The following KIAA1328 variants were observed in gnomAD, a reference collection of about 807,000 sequenced individuals.
KIAA1328 encodes the protein KIAA1328.
KIAA1328 carries 52 observed loss-of-function variants against 68.1 expected under a neutral mutation model. That is an observed-to-expected ratio of 0.76 (90% CI 0.61 to 0.96). The LOEUF is 0.96. Ranked by LOEUF, KIAA1328 falls within the 40% of genes least tolerant of loss-of-function variation. KIAA1328 has a pLI of 0.00. For synonymous variants in KIAA1328, 232 were observed against 239.4 expected (o/e 0.97, Z 0.28); for missense variants, 641 against 677.6 (o/e 0.95, Z 0.60).
chr18:37,185,670 A>G (rs2059781433), intron 9 of KIAA1328, among the ~76,000 whole-genome samples: 1 of 152,064 alleles, frequency 6.6e-6, no homozygotes, highest in Non-Finnish European at 1.5e-5. Context: ...ATTTTTGTAT[A>G]CACTGTTGAT....
intron 7 of KIAA1328, among the ~76,000 whole-genome samples, chr18:37,153,856 T>C (rs1190289575): frequency 2.7e-5 from 4 of 146,212 alleles, no homozygotes; most frequent in Non-Finnish European, 6.0e-5. Flanking sequence ...TCTTTTTCTT[T>C]TAAAAAAAAA....
At chr18:36,891,348 G>A (rs764196302) in intron 5 of KIAA1328, among the ~76,000 whole-genome samples, 25 of 152,142 alleles carry the variant, frequency 1.6e-4, no homozygotes, top group Non-Finnish European at 2.9e-4. Flanking sequence ...GTGGCTTTTG[G>A]TTACATGGAC....
At chr18:36,855,501 TTTG>T (rs1313951941) in intron 4 of KIAA1328, among the ~76,000 whole-genome samples, 3 of 152,106 alleles carry the variant, frequency 2.0e-5, no homozygotes, top group East Asian at 1.9e-4. Flanking sequence ...AATTGGATTG[TTTG>T]TTGTTGTTGA....
At chr18:37,004,588 A>G (rs1035362480) in intron 6 of KIAA1328, among the ~76,000 whole-genome samples, 4 of 152,124 alleles carry the variant, frequency 2.6e-5, no homozygotes, top group Non-Finnish European at 5.9e-5. Context: ...AATGACCGTA[A>G]TCACAAAATA....
intron 5 of KIAA1328, among the ~76,000 whole-genome samples, chr18:36,899,769 G>A (rs1250274558): frequency 6.6e-6 from 1 of 151,936 alleles, no homozygotes; most frequent in Non-Finnish European, 1.5e-5. Context: ...CAGAAGTAGA[G>A]TAAGAGCAAA....
intron 4 of KIAA1328, among the ~76,000 whole-genome samples, chr18:36,865,203 G>A (rs966355266): frequency 6.6e-6 from 1 of 151,054 alleles, no homozygotes; most frequent in Non-Finnish European, 1.5e-5. Context: ...TACTTTTACT[G>A]TACCCTACCT....
At chr18:36,889,842 T>C (rs1269824158) in intron 5 of KIAA1328, among the ~76,000 whole-genome samples, 1 of 152,204 alleles carries the variant, frequency 6.6e-6, no homozygotes, top group Non-Finnish European at 1.5e-5. Context: ...TGATTTTCAT[T>C]AGATTATGCA....
chr18:36,926,516 C>G (rs1258094846), intron 5 of KIAA1328, among the ~76,000 whole-genome samples: 1 of 152,112 alleles, frequency 6.6e-6, no homozygotes, highest in Non-Finnish European at 1.5e-5. Context: ...ACTTTGATCA[C>G]TTGGTTTAAG....
At chr18:36,951,493 G>T (rs1356816543) in intron 5 of KIAA1328, among the ~76,000 whole-genome samples, 1 of 152,140 alleles carries the variant, frequency 6.6e-6, no homozygotes, top group African/African-American at 2.4e-5. Context: ...AACAAAACCT[G>T]TACACTCCCT....
At chr18:37,072,091 C>T (rs2056554395) in intron 7 of KIAA1328, among the ~76,000 whole-genome samples, 1 of 152,078 alleles carries the variant, frequency 6.6e-6, no homozygotes, top group Non-Finnish European at 1.5e-5. Flanking sequence ...TTATATTTAT[C>T]TGTGTTTCTA....
intron 7 of KIAA1328, among the ~76,000 whole-genome samples, chr18:37,074,362 C>CT (rs1235917377): frequency 6.6e-6 from 1 of 152,162 alleles, no homozygotes; most frequent in Admixed American, 6.6e-5. Flanking sequence ...AGTATAATGT[C>CT]TAAGATTTTT....
intron 6 of KIAA1328, among the ~76,000 whole-genome samples, chr18:37,016,414 A>G (rs927733498): frequency 6.6e-5 from 10 of 152,134 alleles, no homozygotes; most frequent in African/African-American, 2.4e-4. Context: ...TCTTCATCAG[A>G]GACATTGGCC....
At position 37,084,102 on chromosome 18, in the gene KIAA1328, A is replaced by G. The variant is rs1380965060; in HGVS notation, c.1232+16557A>G. On this transcript the variant is annotated intron_variant, in intron 7 of 9. Coordinates refer to ENST00000280020, the MANE Select transcript of KIAA1328 (RefSeq NM_020776.3). The stretch of plus-strand genomic sequence containing the variant: ...GTTATCAGGCTTCACAAGATTAGAA[A>G]TTTTTTAAATTAATTTTTACAGGTT... The G allele has an allele frequency of 9.3e-6, 13 of 1,398,448 alleles. 1 individual carries two copies. The Middle Eastern group carries it at 7.3e-4, about 79-fold the overall frequency. The allele number at this position is 1,398,448 out of a possible 1,614,324, so 86.6% of individuals were successfully genotyped here. A position where few individuals can be genotyped will look rare whatever the true frequency, so the allele number is the denominator to read the frequency against.
chr18:37,207,594 G>A (rs1441138407), intron 9 of KIAA1328, among the ~76,000 whole-genome samples: 1 of 152,156 alleles, frequency 6.6e-6, no homozygotes, highest in Non-Finnish European at 1.5e-5. Context: ...CTGCCAGGTG[G>A]CAGCAGAATG....
chr18:36,854,012 G>A lies in KIAA1328; in HGVS notation c.332+9710G>A, dbSNP rs189886467. On this transcript the variant is annotated intron_variant, in intron 4 of 9. Transcript: ENST00000280020. ...GTCCTCCCTAAATTCATATGTTGAA[G>A]TGTTAATCCTCAGTATCTCAGAAGG... Among the ~76,000 whole-genome samples, 321 of 152,282 alleles carry A rather than the reference G, an allele frequency of 2.1e-3. 3 individuals are homozygous for A. Among genetic ancestry groups the A allele is most frequent in the Non-Finnish European group, 2.6e-3 (180 of 68,010 alleles).
chr18:37,062,720 G>T (rs1244553847), intron 6 of KIAA1328, among the ~76,000 whole-genome samples: 1 of 152,166 alleles, frequency 6.6e-6, no homozygotes, highest in Non-Finnish European at 1.5e-5. Flanking sequence ...CTCCCAAAGT[G>T]CTGGGATTAC....
At chr18:37,029,801 T>G (rs1191140837) in intron 6 of KIAA1328, among the ~76,000 whole-genome samples, 1 of 152,166 alleles carries the variant, frequency 6.6e-6, no homozygotes, top group Non-Finnish European at 1.5e-5. Context: ...TGACCTTTTC[T>G]TTTTAGAATG....
chr18:36,998,491 G>A (rs993600567), intron 6 of KIAA1328, among the ~76,000 whole-genome samples: 10 of 152,314 alleles, frequency 6.6e-5, no homozygotes, highest in South Asian at 2.1e-4. Flanking sequence ...GATAACCACC[G>A]ATGCAGGTGC....
intron 9 of KIAA1328, among the ~76,000 whole-genome samples, chr18:37,219,494 C>T (rs323485): frequency 0.41 from 62,815 of 151,988 alleles, 15,002 homozygotes; most frequent in African/African-American, 0.66. Flanking sequence ...CAGTTTGAGC[C>T]TCCTGGCTGC....
Sources: gnomAD v4.1 joint callset for allele counts (sites outside exome capture counted in the v4.1 genomes callset) on GRCh38, gnomAD v4.1.1 for gene constraint, MANE v1.5 for transcripts, NCBI Gene and HGNC (gene_info 2026-07-23, HGNC 2026-07-21) for gene names.